The following ZC3H12A variants were observed in gnomAD, a reference collection of about 807,000 sequenced individuals.
ZC3H12A encodes the protein zinc finger CCCH-type containing 12A, also known as endoribonuclease ZC3H12A.
ZC3H12A carries 9 observed loss-of-function variants against 29.9 expected under a neutral mutation model. The ratio of observed to expected loss-of-function variants is 0.30; its 90% CI spans 0.18 to 0.53. The LOEUF (loss-of-function observed/expected upper bound fraction) is 0.53, where lower values mean the gene tolerates loss of function less well. ZC3H12A is among the 20% of genes least tolerant of loss of function. The probability of loss-of-function intolerance (pLI) is 0.96; values close to 1 mark genes in which losing one functional copy is unlikely to be tolerated. For synonymous variants in ZC3H12A, 323 were observed against 338.1 expected, an observed-to-expected ratio of 0.96 and a Z score of 0.49; for missense variants, 617 against 799.0, an observed-to-expected ratio of 0.77 and a Z score of 2.75.
rs896562689 is a variant in ZC3H12A, at chr1:37,479,456, C to T, written c.444-834C>T. On this transcript the variant is annotated intron_variant, in intron 2 of 5. Coordinates refer to ENST00000373087, the MANE Select transcript of ZC3H12A (RefSeq NM_025079.3). This position sits in a 1 kb window ranked among gnomAD's most constrained non-coding sequence, Gnocchi z 4.5. The stretch of plus-strand genomic sequence containing the variant: ...GCCACCTGTGGGTGGGGCGCGGCCT[C>T]GTCTGAGACCAAGGCAGGGCCCATG... 4 of 985,294 alleles carry T rather than the reference C, an allele frequency of 4.1e-6. No homozygotes were observed. The highest frequency in any genetic ancestry group is 2.3e-4 in the East Asian group (2 of 8,824). 61.0% of individuals were successfully genotyped at this position (985,294 alleles called of 1,614,324 possible). A position where few individuals can be genotyped will look rare whatever the true frequency, so the allele number is the denominator to read the frequency against.
At position 37,475,493 on chromosome 1, in the gene ZC3H12A, A is replaced by G; in HGVS notation, c.-4A>G. ...TGGCGCGGGGCCTTCCAGGAGTCTG[A>G]GCTATGAGTGGCCCCTGTGGAGAGA... On this transcript the variant is annotated 5_prime_UTR_variant, in exon 2 of 6. The change abolishes the stop of an existing upstream ORF in the 5' untranslated region. Transcript: ENST00000373087. The surrounding 1 kb of genome is among the most constrained non-coding windows in gnomAD (Gnocchi z 5.2). The G allele has an allele frequency of 6.3e-7, 1 of 1,598,866 alleles. No individual in the cohort carries two copies. The highest frequency in any genetic ancestry group is 8.5e-7 in the Non-Finnish European group (1 of 1,171,860).
At chr1:37,482,384 A>G (rs1641726575) in intron 4 of ZC3H12A, 50 bp from the exon 5 acceptor site, 3 of 1,492,086 alleles carry the variant, frequency 2.0e-6, no homozygotes, top group Non-Finnish European at 2.8e-6. Context: ...CAGCAATTAG[A>G]AGTCCCTGCA....
chr1:37,480,794 G>T (rs1453711238), intron 3 of ZC3H12A, among the ~76,000 whole-genome samples: 5 of 152,014 alleles, frequency 3.3e-5, no homozygotes, highest in Non-Finnish European at 7.4e-5. Context: ...GCCTGGACAG[G>T]GACCCCTCTT....
rs1641784825 is a variant in ZC3H12A, at chr1:37,484,368, GC to G, written c.*760del. On this transcript the variant is annotated 3_prime_UTR_variant, in exon 6 of 6. Coordinates refer to ENST00000373087, the MANE Select transcript of ZC3H12A (RefSeq NM_025079.3). ...CATCAATAAAGTACAATCATTGTGA[GC>G]CCTTTCAAGAGGTGATTGTCTTTGT... 1 of 152,162 alleles carries G rather than the reference GC, an allele frequency of 6.6e-6. No individual in the cohort carries two copies. The highest frequency in any genetic ancestry group is 2.4e-5 in the African/African-American group (1 of 41,404). The allele number at this position is 152,162 out of a possible 1,614,324, so 9.4% of individuals were successfully genotyped here.
rs1484371460 is a variant in ZC3H12A, at chr1:37,483,167, G to T, written c.1356G>T (p.Gly452=). 2 of 1,613,518 alleles carry T rather than the reference G, an allele frequency of 1.2e-6. No individual in the cohort carries two copies. Among genetic ancestry groups the T allele is most frequent in the Admixed American group, 3.3e-5 (2 of 60,026 alleles). The part of the protein sequence containing the change: ...SLESQMSELW[G]VRGGGPGEPG... The stretch of plus-strand genomic sequence containing the variant: ...AGAGCCAGATGTCGGAACTTTGGGG[G>T]GTTCGAGGAGGAGGCCCTGGTGAGC... The change falls in exon 6 of 6, where the codon GGG becomes GGT. Residue 452 remains glycine (G), a synonymous_variant. Transcript: ENST00000373087.
At position 37,479,447 on chromosome 1, in the gene ZC3H12A, G is replaced by A. The variant is rs557937307; in HGVS notation, c.444-843G>A. 2.6e-5 allele frequency: 26 copies of A among 985,460 alleles called. No individual in the cohort carries two copies. The Admixed American group carries it at 1.5e-3, about 56-fold the overall frequency. 61.0% of individuals were successfully genotyped at this position (985,460 alleles called of 1,614,324 possible). Reference sequence around the variant, plus strand: ...CTGGGTGCAGCCACCTGTGGGTGGGGCGCGGCCTCGTCTGAGACCAAGGCA... The same window carrying A: ...CTGGGTGCAGCCACCTGTGGGTGGGACGCGGCCTCGTCTGAGACCAAGGCA... On this transcript the variant is annotated intron_variant, in intron 2 of 5. Transcript: ENST00000373087. This position sits in a 1 kb window ranked among gnomAD's most constrained non-coding sequence, Gnocchi z 4.5.
In ZC3H12A at chr1:37,479,110, C is replaced by G; in HGVS notation, c.444-1180C>G. ...CCCTGGACTTGCCTCTTTTGCGTAA[C>G]ATTTATTCTGTTTTATTTGCCAAAT... On this transcript the variant is annotated intron_variant, in intron 2 of 5. Transcript: ENST00000373087. The surrounding 1 kb of genome is among the most constrained non-coding windows in gnomAD (Gnocchi z 4.5). 1 of 985,380 alleles carries G rather than the reference C, an allele frequency of 1.0e-6. No homozygotes were observed. The highest frequency in any genetic ancestry group is 1.2e-6 in the Non-Finnish European group (1 of 829,930). 61.0% of individuals were successfully genotyped at this position (985,380 alleles called of 1,614,324 possible).
Position 37,480,282 on chromosome 1 carries a change from C to T in ZC3H12A, c.444-8C>T. 1.2e-6 allele frequency: 2 copies of T among 1,611,104 alleles called. No individual in the cohort carries two copies. The highest frequency in any genetic ancestry group is 1.7e-6 in the Non-Finnish European group (2 of 1,178,248). ...CAGTGTGGGCTAACCCTGTCCTCTC[C>T]CTCCCAGCCATGGGAACAAGGAGGT... On this transcript the variant is annotated splice_polypyrimidine_tract_variant and splice_region_variant and intron_variant, in intron 2 of 5. Coordinates refer to ENST00000373087, the MANE Select transcript of ZC3H12A (RefSeq NM_025079.3).
intron 2 of ZC3H12A, among the ~76,000 whole-genome samples, chr1:37,477,308 CAGA>C (rs1557592937): frequency 2.0e-5 from 3 of 152,144 alleles, no homozygotes; most frequent in South Asian, 4.1e-4. Context: ...TGTTTGTATC[CAGA>C]AGGAGGAGGG....
Position 37,478,728 on chromosome 1 carries a change from C to A in ZC3H12A, c.444-1562C>A. 1 of 587,650 alleles carries A rather than the reference C, an allele frequency of 1.7e-6. No homozygotes were observed. The highest frequency in any genetic ancestry group is 2.1e-6 in the Non-Finnish European group (1 of 466,300). The allele number at this position is 587,650 out of a possible 1,614,324, so 36.4% of individuals were successfully genotyped here. ...GCCTTCTCTGGACCACAGTTTTCATCTGAAAAACAGGGAAGGAGTTGATGA... is the reference window on the plus strand; with the variant it reads ...GCCTTCTCTGGACCACAGTTTTCATATGAAAAACAGGGAAGGAGTTGATGA... On this transcript the variant is annotated intron_variant, in intron 2 of 5. Coordinates refer to ENST00000373087, the MANE Select transcript of ZC3H12A (RefSeq NM_025079.3). This position sits in a 1 kb window ranked among gnomAD's most constrained non-coding sequence, Gnocchi z 5.2.
At position 37,479,145 on chromosome 1, in the gene ZC3H12A, T is replaced by A. The variant is rs993999534; in HGVS notation, c.444-1145T>A. 2 of 985,334 alleles carry A rather than the reference T, an allele frequency of 2.0e-6. No individual in the cohort carries two copies. The highest frequency in any genetic ancestry group is 3.5e-5 in the African/African-American group (2 of 57,236). The allele number at this position is 985,334 out of a possible 1,614,324, so 61.0% of individuals were successfully genotyped here. On this transcript the variant is annotated intron_variant, in intron 2 of 5. Transcript: ENST00000373087. The surrounding 1 kb of genome is among the most constrained non-coding windows in gnomAD (Gnocchi z 4.5). ...GTTTTATTTGCCAAATACGAGAGTC[T>A]AAGCTGTTCACTGAGGGGGCAGTGA...
rs141746591 is a variant in ZC3H12A, at chr1:37,482,881, G to A, written c.1070G>A (p.Arg357Gln). The A allele has an allele frequency of 3.3e-5, 53 of 1,613,732 alleles. No homozygotes were observed. The highest frequency in any genetic ancestry group is 5.0e-5 in the Admixed American group (3 of 59,998). ...CCAAGCAAGGACAAAAATGGCCGGC[G>A]GCCTTCACCTTCATCCCAGTCCAGC... ...RAPSKDKNGR[R>Q]PSPSSQSSSL... The change falls in exon 6 of 6, where the codon CGG becomes CAG. Residue 357 changes from arginine to glutamine, a missense_variant. Physicochemically the swap from Arg to Gln is conservative, Grantham distance 43 (BLOSUM62 1). Coordinates refer to ENST00000373087, the MANE Select transcript of ZC3H12A (RefSeq NM_025079.3).
Position 37,481,616 on chromosome 1 carries a change from G to A in ZC3H12A, c.599G>A (p.Arg200Gln), listed in dbSNP as rs765815797. ...CACCTCCCAGACCAGCACATCCTGC[G>A]GGAACTGGAGAAGAAGAAGATCCTG... Reference protein sequence around the residue: ...DVPITDQHILRELEKKKILVF... With the variant: ...DVPITDQHILQELEKKKILVF... The change falls in exon 4 of 6, where the codon CGG (arginine) becomes CAG (glutamine). Residue 200 changes from arginine (R) to glutamine (Q), a missense_variant. Around this residue, in one of 5 missense-constraint regions of ZC3H12A, gnomAD observed 255 missense variants for 402.5 expected, o/e 0.63. Transcript: ENST00000373087. 9.9e-6 allele frequency: 16 copies of A among 1,614,064 alleles called. No individual in the cohort carries two copies. Among genetic ancestry groups the A allele is most frequent in the African/African-American group, 6.7e-5 (5 of 74,926 alleles).
chr1:37,483,824 A>G lies in ZC3H12A; in HGVS notation c.*213A>G. 1.6e-6 allele frequency: 1 copy of G among 610,110 alleles called. No individual in the cohort carries two copies. The allele number at this position is 610,110 out of a possible 1,614,324, so 37.8% of individuals were successfully genotyped here. On this transcript the variant is annotated 3_prime_UTR_variant, in exon 6 of 6. Transcript: ENST00000373087. ...CTCTAGCTGTCTGCCTCAGTGGGTCAGAAGCGATCACCCTGTTGATACACA... is the reference window on the plus strand; with the variant it reads ...CTCTAGCTGTCTGCCTCAGTGGGTCGGAAGCGATCACCCTGTTGATACACA...
intron 2 of ZC3H12A, among the ~76,000 whole-genome samples, chr1:37,477,489 C>A (rs576663926): frequency 3.3e-5 from 5 of 152,168 alleles, no homozygotes; most frequent in Admixed American, 6.5e-5. Flanking sequence ...GGCCACCCCC[C>A]CTCCCCAGGG....
intron 5 of ZC3H12A, 56 bp from the exon 6 acceptor site, chr1:37,482,681 C>A: frequency 6.2e-7 from 1 of 1,612,062 alleles, no homozygotes; most frequent in South Asian, 1.1e-5. Flanking sequence ...CTTCCCTGCT[C>A]TCATCCCTGG....
intron 3 of ZC3H12A, among the ~76,000 whole-genome samples, chr1:37,481,287 A>G (rs1214051466): frequency 6.6e-6 from 1 of 152,244 alleles, no homozygotes; most frequent in East Asian, 1.9e-4. Flanking sequence ...TGAAAGCCAA[A>G]GCCAAGACCA....
chr1:37,483,323 C>A lies in ZC3H12A; in HGVS notation c.1512C>A (p.Pro504=), dbSNP rs373758947. The change falls in exon 6 of 6, where the codon CCC becomes CCA. Residue 504 remains proline, a synonymous_variant. Transcript: ENST00000373087. ...GHFSVPADYP[P]APPAFPPREY... is the part of the protein sequence containing the mutation. ...TCAGTGTCCCTGCCGACTACCCACC[C>A]GCGCCCCCTGCCTTTCCACCTCGAG... The A allele has an allele frequency of 1.2e-6, 2 of 1,614,126 alleles. No individual in the cohort carries two copies. The highest frequency in any genetic ancestry group is 1.7e-6 in the Non-Finnish European group (2 of 1,179,990).
At chr1:37,480,819 C>T (rs941852189) in intron 3 of ZC3H12A, among the ~76,000 whole-genome samples, 4 of 144,406 alleles carry the variant, frequency 2.8e-5, no homozygotes, top group Non-Finnish European at 6.2e-5. Flanking sequence ...CTGCTCTGAG[C>T]CACATGCTCC....
Sources: gnomAD v4.1 joint callset for allele counts (sites outside exome capture counted in the v4.1 genomes callset) on GRCh38, gnomAD v4.1.1 for gene constraint, gnomAD v4.1.1 regional missense constraint, Gnocchi (gnomAD v3.1) non-coding constraint, MANE v1.5 for transcripts, NCBI Gene and HGNC (gene_info 2026-07-23, HGNC 2026-07-21) for gene names.